Variants in KLF12 observed in about 807,000 individuals in gnomAD.
The protein encoded by KLF12 is Krueppel-like factor 12.
Under a neutral mutation model 37.8 loss-of-function variants are expected in KLF12, and 9 were observed. The ratio of observed to expected loss-of-function variants is 0.24; its 90% confidence interval spans 0.14 to 0.42. The LOEUF (loss-of-function observed/expected upper bound fraction) is 0.42. Among genes scored for constraint, KLF12 ranks in the 10% least tolerant of loss-of-function variants. The pLI is 1.00. For synonymous variants in KLF12, 208 were observed against 202.1 expected, an observed-to-expected ratio of 1.03 and a Z score of -0.25; for missense variants, 411 against 516.0, an observed-to-expected ratio of 0.80 and a Z score of 1.97.
At chr13:74,276,117 C>T in the KLF12 span, among the ~76,000 whole-genome samples, 1 of 151,788 alleles carries the variant, frequency 6.6e-6, no homozygotes, top group South Asian at 2.1e-4. Context: ...TCCTAATGCT[C>T]TCCCTCCCCT....
At chr13:74,001,770 A>G (rs1372799755) in intron 1 of KLF12, among the ~76,000 whole-genome samples, 1 of 152,268 alleles carries the variant, frequency 6.6e-6, no homozygotes, top group Non-Finnish European at 1.5e-5. Flanking sequence ...AATATTTATT[A>G]AATTGTGGTG....
At chr13:74,075,482 T>C (rs1874510019) in intron 1 of KLF12, among the ~76,000 whole-genome samples, 2 of 152,208 alleles carry the variant, frequency 1.3e-5, no homozygotes, top group African/African-American at 4.8e-5. Flanking sequence ...AAATTACCCA[T>C]TAAATTACAA....
the KLF12 span, among the ~76,000 whole-genome samples, chr13:74,304,683 T>C: frequency 6.6e-6 from 1 of 152,018 alleles, no homozygotes; most frequent in Non-Finnish European, 1.5e-5. Context: ...TTAGATAGTA[T>C]GGTAGGGAGA....
rs146058474 is a variant in KLF12 at position 73,957,166 on chromosome 13, A to G, written c.34-13096T>C. 3.6e-3 allele frequency among the ~76,000 whole-genome samples: 546 copies of G among 151,708 alleles called. 3 individuals are homozygous for G. Among genetic ancestry groups the G allele is most frequent in the African/African-American group, 0.012 (507 of 41,322 alleles). The stretch of plus-strand genomic sequence containing the variant: ...GAACCTTAATTTTATGTTGAATTAT[A>G]CTTCCCAATAAAATAATACCTCAAT... On this transcript the variant is annotated intron_variant, in intron 2 of 7. Coordinates refer to ENST00000377669, the MANE Select transcript of KLF12 (RefSeq NM_007249.5).
chr13:74,074,573 C>T (rs1006784212), intron 1 of KLF12, among the ~76,000 whole-genome samples: 5 of 152,052 alleles, frequency 3.3e-5, no homozygotes, highest in Non-Finnish European at 7.4e-5. Flanking sequence ...ATGGCCTAAT[C>T]ACCTCTTAAA....
the KLF12 span, among the ~76,000 whole-genome samples, chr13:74,301,087 T>C: frequency 1.3e-5 from 2 of 152,220 alleles, no homozygotes; most frequent in Non-Finnish European, 2.9e-5. Context: ...GTTCTAAAAA[T>C]CAGCTAACTT....
intron 1 of KLF12, among the ~76,000 whole-genome samples, chr13:74,036,984 T>G (rs948076367): frequency 6.6e-6 from 1 of 152,022 alleles, no homozygotes; most frequent in Non-Finnish European, 1.5e-5. Context: ...GGCAGGTGGA[T>G]CACGAGGTCA....
chr13:74,148,775 G>A, the KLF12 span, among the ~76,000 whole-genome samples: 2 of 152,028 alleles, frequency 1.3e-5, no homozygotes, highest in African/African-American at 2.4e-5. Flanking sequence ...TTGATGCTCT[G>A]ATCTTGTCAG....
chr13:73,758,027 T>C (rs564406478), intron 6 of KLF12, among the ~76,000 whole-genome samples: 19 of 152,130 alleles, frequency 1.2e-4, no homozygotes, highest in Non-Finnish European at 2.6e-4. Context: ...CCCTTCTTCA[T>C]GTTTCATTAT....
At chr13:73,872,267 C>A (rs1423623405) in intron 3 of KLF12, among the ~76,000 whole-genome samples, 2 of 152,096 alleles carry the variant, frequency 1.3e-5, no homozygotes, top group Non-Finnish European at 1.5e-5. Flanking sequence ...CCACTTTCAC[C>A]CTGGGTAAGC....
the KLF12 span, among the ~76,000 whole-genome samples, chr13:74,227,787 C>T: frequency 6.6e-6 from 1 of 151,978 alleles, no homozygotes; most frequent in Non-Finnish European, 1.5e-5. Context: ...GAAAATAATT[C>T]CTTTAGAAGT....
At chr13:74,089,541 G>C (rs1457903930) in intron 1 of KLF12, among the ~76,000 whole-genome samples, 1 of 151,902 alleles carries the variant, frequency 6.6e-6, no homozygotes, top group Non-Finnish European at 1.5e-5. Flanking sequence ...TATGGATGCA[G>C]AAATCCTCAA....
At chr13:74,055,874 G>C (rs1306705353) in intron 1 of KLF12, among the ~76,000 whole-genome samples, 1 of 152,220 alleles carries the variant, frequency 6.6e-6, no homozygotes, top group East Asian at 1.9e-4. Flanking sequence ...CAAACAGCAG[G>C]CTTGGATAAT....
At chr13:73,794,156 A>T (rs76516407) in intron 5 of KLF12, among the ~76,000 whole-genome samples, 2,121 of 152,342 alleles carry the variant, frequency 0.014, 26 homozygotes, top group Admixed American at 0.022. Flanking sequence ...ACATACTGGG[A>T]TAGCCTTTTT....
At chr13:74,127,595 A>G (rs1878013398) in intron 1 of KLF12, among the ~76,000 whole-genome samples, 1 of 152,252 alleles carries the variant, frequency 6.6e-6, no homozygotes, top group African/African-American at 2.4e-5. Context: ...GTTATATTGA[A>G]GAGATAGTTT....
At chr13:73,859,049 G>A (rs1231867122) in intron 3 of KLF12, among the ~76,000 whole-genome samples, 1 of 152,200 alleles carries the variant, frequency 6.6e-6, no homozygotes, top group Non-Finnish European at 1.5e-5. Context: ...ATTAGGTGGT[G>A]GGGTAAAACC....
intron 2 of KLF12, among the ~76,000 whole-genome samples, chr13:73,959,729 GAC>G (rs1890960863): frequency 6.6e-6 from 1 of 151,988 alleles, no homozygotes; most frequent in Non-Finnish European, 1.5e-5. Flanking sequence ...AATATAAAGA[GAC>G]ATTTTAGGAA....
At chr13:74,172,625 T>A in the KLF12 span, among the ~76,000 whole-genome samples, 47 of 152,180 alleles carry the variant, frequency 3.1e-4, no homozygotes, top group Admixed American at 2.6e-3. Flanking sequence ...TTTCTCTCCA[T>A]GAGTCTTTTT....
chr13:73,750,329 A>C (rs1435255739), intron 6 of KLF12, among the ~76,000 whole-genome samples: 1 of 151,998 alleles, frequency 6.6e-6, no homozygotes, highest in Non-Finnish European at 1.5e-5. Flanking sequence ...AATCATTCAA[A>C]CTCCGGGCTT....
Sources: allele counts gnomAD v4.1 joint callset (sites outside exome capture counted in the v4.1 genomes callset), GRCh38; gene constraint gnomAD v4.1.1; transcripts MANE v1.5; gene names NCBI Gene and HGNC (gene_info 2026-07-23, HGNC 2026-07-21).